PDZD2: variants seen among roughly 807,000 people sequenced by gnomAD.
PDZD2 encodes PDZ domain containing 2.
PDZD2 carries 90 observed loss-of-function variants against 220.7 expected under a neutral mutation model. That is an observed-to-expected ratio of 0.41 (90% CI 0.34 to 0.49). The LOEUF is 0.49. PDZD2 is among the 20% of genes least tolerant of loss of function. PDZD2 has a pLI of 0.28. For synonymous variants in PDZD2, 1,375 were observed against 1,450.5 expected, an observed-to-expected ratio of 0.95 and a Z score of 1.18; for missense variants, 3,174 against 3,608.5, an observed-to-expected ratio of 0.88 and a Z score of 3.08.
chr5:31,647,570 C>A (rs1160680254), intron 1 of PDZD2, among the ~76,000 whole-genome samples: 1 of 152,186 alleles, frequency 6.6e-6, no homozygotes, highest in African/African-American at 2.4e-5. Flanking sequence ...ATGCCTTTGT[C>A]TTCACGTTGC....
intron 1 of PDZD2, among the ~76,000 whole-genome samples, chr5:31,693,457 G>A (rs1471518964): frequency 6.6e-6 from 1 of 152,074 alleles, no homozygotes; most frequent in Non-Finnish European, 1.5e-5. Context: ...GGCCAGGCTG[G>A]TCCGGAACTC....
intron 6 of PDZD2, among the ~76,000 whole-genome samples, chr5:32,033,821 G>A (rs1237987082): frequency 6.6e-6 from 1 of 152,108 alleles, no homozygotes; most frequent in Non-Finnish European, 1.5e-5. Context: ...GTTTCGCCAT[G>A]TTGGCCAGGC....
Position 32,091,160 on chromosome 5 carries a change from G to A in PDZD2, c.7712G>A (p.Arg2571Lys), listed in dbSNP as rs529430322. Residue 2571 changes from arginine (R) to lysine (K), a missense_variant, in exon 20 of 25, where the codon AGA becomes AAA. Physicochemically the swap from Arg to Lys is conservative, Grantham distance 26. Around this residue, in one of 4 missense-constraint regions of PDZD2, gnomAD observed 631 missense variants for 789.9 expected, o/e 0.80. Coordinates refer to ENST00000438447, the MANE Select transcript of PDZD2 (RefSeq NM_178140.4). Reference protein sequence around the residue: ...GEAAQDLPFRRSWSVNLDQLL... With the variant: ...GEAAQDLPFRKSWSVNLDQLL... The stretch of plus-strand genomic sequence containing the variant: ...GCTGCCCAGGATCTGCCTTTTAGAA[G>A]AAGCTGGTCAGTTAAGTAAGTATCT... 8 of 1,566,010 alleles carry A rather than the reference G, an allele frequency of 5.1e-6. No homozygotes were observed. The Admixed American group carries it at 5.5e-5, about 11-fold the overall frequency.
intron 2 of PDZD2, among the ~76,000 whole-genome samples, chr5:31,951,160 G>A (rs113783403): frequency 2.2e-4 from 34 of 152,182 alleles, no homozygotes; most frequent in African/African-American, 7.7e-4. Context: ...TCAACCTCCC[G>A]TGCTCAAGTG....
At chr5:31,823,184 C>CAAAAAA (rs1756005322) in intron 2 of PDZD2, 1 of 316,612 alleles carries the variant, frequency 3.2e-6, no homozygotes, top group African/African-American at 3.1e-5. Flanking sequence ...AAAAAAAAAG[C>CAAAAAA]AAGCATCTTT....
At chr5:31,761,734 G>T (rs919728865) in intron 1 of PDZD2, among the ~76,000 whole-genome samples, 1 of 151,678 alleles carries the variant, frequency 6.6e-6, no homozygotes, top group Non-Finnish European at 1.5e-5. Flanking sequence ...GGTAGTGGGT[G>T]CCTGTAATCC....
At chr5:31,964,025 T>G (rs1424271930) in intron 2 of PDZD2, among the ~76,000 whole-genome samples, 1 of 152,236 alleles carries the variant, frequency 6.6e-6, no homozygotes, top group Non-Finnish European at 1.5e-5. Flanking sequence ...TCTGACTCTC[T>G]GCCTGTTCAT....
chr5:31,868,232 G>T (rs1738410989), intron 2 of PDZD2, among the ~76,000 whole-genome samples: 1 of 152,166 alleles, frequency 6.6e-6, no homozygotes, highest in Admixed American at 6.5e-5. Context: ...GATCACGAGG[G>T]TCAGCAGTTC....
At position 32,083,803 on chromosome 5, in the gene PDZD2, A is replaced by G. The variant is rs1742197614; in HGVS notation, c.3683-3328A>G. 6.6e-6 allele frequency among the ~76,000 whole-genome samples: 1 copy of G among 151,776 alleles called. No homozygotes were observed. The highest frequency in any genetic ancestry group is 1.5e-5 in the Non-Finnish European group (1 of 67,938). Reference sequence around the variant, plus strand: ...GCAGTTCTCCTGCCTCAGCCTCCCAAGCAGCTGGGATTACAGACGTGCACC... The same window carrying G: ...GCAGTTCTCCTGCCTCAGCCTCCCAGGCAGCTGGGATTACAGACGTGCACC... On this transcript the variant is annotated intron_variant, in intron 19 of 24. Transcript: ENST00000438447. This position sits in a 1 kb window ranked among gnomAD's most constrained non-coding sequence, Gnocchi z 4.1.
chr5:31,764,998 AC>A (rs990722751), intron 1 of PDZD2, among the ~76,000 whole-genome samples: 1 of 151,854 alleles, frequency 6.6e-6, no homozygotes, highest in African/African-American at 2.4e-5. Context: ...AATTGCTTGA[AC>A]CCGGGAGGTG....
chr5:31,868,401 C>T (rs771329565), intron 2 of PDZD2, among the ~76,000 whole-genome samples: 5 of 152,100 alleles, frequency 3.3e-5, no homozygotes, highest in Non-Finnish European at 7.4e-5. Context: ...GCCAAGATCG[C>T]GCCACCTGCA....
intron 24 of PDZD2, among the ~76,000 whole-genome samples, 196 bp downstream of exon 24, chr5:32,101,435 A>G (rs571639021): frequency 1.4e-4 from 22 of 152,240 alleles, no homozygotes; most frequent in Non-Finnish European, 3.1e-4. Flanking sequence ...GGTGGGTGTC[A>G]TCATTATCCC....
Position 31,944,734 on chromosome 5 carries a change from C to A in PDZD2, c.477-38421C>A, listed in dbSNP as rs956525378. ...GCCAAGGTGGAGGGTGGGGTGGCAGCGTGTGCACGTGTGTCCCCAGGTGAC... is the reference window on the plus strand; with the variant it reads ...GCCAAGGTGGAGGGTGGGGTGGCAGAGTGTGCACGTGTGTCCCCAGGTGAC... On this transcript the variant is annotated intron_variant, in intron 2 of 24. Transcript: ENST00000438447. Among the ~76,000 whole-genome samples, 8 of 152,140 alleles carry A rather than the reference C, an allele frequency of 5.3e-5. No homozygotes were observed. The South Asian group carries it at 1.2e-3, about 24-fold the overall frequency.
At chr5:32,104,994 G>T (rs1015553484) in intron 24 of PDZD2, among the ~76,000 whole-genome samples, 1 of 151,878 alleles carries the variant, frequency 6.6e-6, no homozygotes, top group African/African-American at 2.4e-5. Flanking sequence ...AATTACTCGG[G>T]TGTGGCGGCA....
intron 14 of PDZD2, among the ~76,000 whole-genome samples, chr5:32,063,052 T>TATC (rs1340622150): frequency 2.0e-5 from 3 of 149,328 alleles, no homozygotes; most frequent in Admixed American, 6.7e-5. Context: ...TTATTATTAT[T>TATC]ATTATTATTT....
At position 32,087,279 on chromosome 5, in the gene PDZD2, G is replaced by A. The variant is rs1312502291; in HGVS notation, c.3831G>A (p.Lys1277=). Residue 1277 remains lysine (K), a synonymous_variant, in exon 20 of 25, where the codon AAG becomes AAA. Transcript: ENST00000438447. This position sits in a 1 kb window ranked among gnomAD's most constrained non-coding sequence, Gnocchi z 4.0. ...CATCGCCCAGGGTCACCAAGTGCAA[G>A]GCCAGGTCTCCAGTCAGGCTCCCCC... is the stretch of plus-strand genomic sequence containing the variant. ...QPASPRVTKC[K]ARSPVRLPHE... is the part of the protein sequence containing the mutation. 4 of 1,614,088 alleles carry A rather than the reference G, an allele frequency of 2.5e-6. No individual in the cohort carries two copies. The highest frequency in any genetic ancestry group is 2.7e-5 in the African/African-American group (2 of 74,936).
rs568028244 is a variant in PDZD2, at chr5:32,110,402, A to C, written c.*2267A>C. The C allele has an allele frequency of 1.3e-5, 2 of 152,782 alleles. No homozygotes were observed. The highest frequency in any genetic ancestry group is 4.8e-5 in the African/African-American group (2 of 41,586). The allele number at this position is 152,782 out of a possible 1,614,324, so 9.5% of individuals were successfully genotyped here. ...CAACAAACAGTTGAAATTTAAGGGAAGAAGCAAAAGCTAAACTGTCTTTGA... is the reference window on the plus strand; with the variant it reads ...CAACAAACAGTTGAAATTTAAGGGACGAAGCAAAAGCTAAACTGTCTTTGA... On this transcript the variant is annotated 3_prime_UTR_variant, in exon 25 of 25. Transcript: ENST00000438447.
At chr5:31,778,257 A>G (rs1378087163) in intron 1 of PDZD2, among the ~76,000 whole-genome samples, 1 of 152,146 alleles carries the variant, frequency 6.6e-6, no homozygotes, top group African/African-American at 2.4e-5. Flanking sequence ...ATTCAGCAGG[A>G]TGTGGGTGGG....
At chr5:32,054,226 G>A (rs1215946739) in intron 10 of PDZD2, among the ~76,000 whole-genome samples, 2 of 150,876 alleles carry the variant, frequency 1.3e-5, no homozygotes, top group Admixed American at 1.3e-4. Context: ...GGGCTGGTGT[G>A]GAAGCAGAGC....
Sources: allele counts gnomAD v4.1 joint callset (sites outside exome capture counted in the v4.1 genomes callset), GRCh38; gene constraint gnomAD v4.1.1; regional missense constraint gnomAD v4.1.1; non-coding constraint Gnocchi (gnomAD v3.1); transcripts MANE v1.5; gene names NCBI Gene and HGNC (gene_info 2026-07-23, HGNC 2026-07-21).